Variants in EPS15L1 observed in about 807,000 individuals in gnomAD.
EPS15L1 encodes epidermal growth factor receptor substrate 15-like 1.
A neutral mutation model predicts 117.1 loss-of-function variants in EPS15L1; 43 were observed. That is an observed-to-expected ratio of 0.37 (90% CI 0.29 to 0.47). The LOEUF (loss-of-function observed/expected upper bound fraction) is 0.47, where lower values mean the gene tolerates loss of function less well. EPS15L1 is among the 20% of genes least tolerant of loss of function. The pLI, the probability that EPS15L1 is intolerant of heterozygous loss-of-function variation, is 0.99. For synonymous variants in EPS15L1, 459 were observed against 470.5 expected (o/e 0.98, Z 0.32); for missense variants, 981 against 1,164.0 (o/e 0.84, Z 2.29).
intron 1 of EPS15L1, among the ~76,000 whole-genome samples, chr19:16,465,067 A>G (rs1399822767): frequency 6.6e-6 from 1 of 151,200 alleles, no homozygotes; most frequent in African/African-American, 2.4e-5. Flanking sequence ...CAACAGAGCG[A>G]GACTTAGTCT....
At position 16,393,937 on chromosome 19, in the gene EPS15L1, AC is replaced by A; in HGVS notation, c.1966+13del. ...CACAGTCTAAAGACCGGTCCGGGAAACACTGAATTTTACCTGTTGAAGTTGT... is the reference window on the plus strand; with the variant it reads ...CACAGTCTAAAGACCGGTCCGGGAAAACTGAATTTTACCTGTTGAAGTTGT... On this transcript the variant is annotated intron_variant, in intron 18 of 23. Transcript: ENST00000455140. 2 of 1,613,810 alleles carry A rather than the reference AC, an allele frequency of 1.2e-6. No homozygotes were observed. The highest frequency in any genetic ancestry group is 1.7e-6 in the Non-Finnish European group (2 of 1,179,730).
chr19:16,463,370 C>T (rs936074114), intron 1 of EPS15L1, among the ~76,000 whole-genome samples: 29 of 152,134 alleles, frequency 1.9e-4, no homozygotes, highest in Non-Finnish European at 7.4e-5. Context: ...AACAGCTACC[C>T]CACATATTCC....
At chr19:16,411,753 G>A (rs1485378735) in intron 13 of EPS15L1, among the ~76,000 whole-genome samples, 3 of 152,142 alleles carry the variant, frequency 2.0e-5, no homozygotes, top group Non-Finnish European at 4.4e-5. Flanking sequence ...AGGGTGGAGT[G>A]CAGTAGTGCA....
intron 8 of EPS15L1, among the ~76,000 whole-genome samples, chr19:16,427,877 G>C (rs1323828537): frequency 6.6e-6 from 1 of 151,468 alleles, no homozygotes; most frequent in Non-Finnish European, 1.5e-5. Flanking sequence ...CTGGGTGACA[G>C]AGCAAGACTC....
In EPS15L1 at chr19:16,371,977, C is replaced by A. The variant is rs1183718416; in HGVS notation, c.2380+5145G>T. Among the ~76,000 whole-genome samples the A allele has an allele frequency of 6.6e-6, 1 of 152,218 alleles. No homozygotes were observed. The highest frequency in any genetic ancestry group is 1.9e-4 in the East Asian group (1 of 5,204). On this transcript the variant is annotated intron_variant, in intron 22 of 23. Coordinates refer to ENST00000455140, the MANE Select transcript of EPS15L1 (RefSeq NM_001258374.3). The surrounding 1 kb of genome is among the most constrained non-coding windows in gnomAD (Gnocchi z 4.7). ...TGTGCTGCATCTGCCTGAAAGAAAC[C>A]AGTTTCTTCTGCCCAAAACAGACAC...
chr19:16,431,997 G>A (rs950666566), intron 7 of EPS15L1, among the ~76,000 whole-genome samples: 1 of 152,162 alleles, frequency 6.6e-6, no homozygotes, highest in South Asian at 2.1e-4. Context: ...ACAGAGGGCC[G>A]ACTTTTGTAT....
rs2092529747 is a variant in EPS15L1, at chr19:16,395,420, T to C, written c.1839A>G (p.Gln613=). 2 of 1,613,764 alleles carry C rather than the reference T, an allele frequency of 1.2e-6. No homozygotes were observed. Among genetic ancestry groups the C allele is most frequent in the East Asian group, 4.5e-5 (2 of 44,888 alleles). Residue 613 remains glutamine, a synonymous_variant, in exon 17 of 24, where the codon CAA becomes CAG. Coordinates refer to ENST00000455140, the MANE Select transcript of EPS15L1 (RefSeq NM_001258374.3). ...TCTGGAAAGGATCCGGATGCAACTC[T>C]TGCGTGTTGTTGCTAAATAACAAGG... is the stretch of plus-strand genomic sequence containing the variant. ...NKALLFSNNT[Q]ELHPDPFQTE... is the part of the protein sequence containing the mutation.
At chr19:16,367,084 C>T (rs2092143515) in intron 22 of EPS15L1, among the ~76,000 whole-genome samples, 1 of 151,886 alleles carries the variant, frequency 6.6e-6, no homozygotes, top group South Asian at 2.1e-4. Context: ...GAGAGCTTTA[C>T]TGACGCGCAT....
At chr19:16,448,010 CT>C (rs1230890580) in intron 1 of EPS15L1, among the ~76,000 whole-genome samples, 1 of 152,148 alleles carries the variant, frequency 6.6e-6, no homozygotes, top group African/African-American at 2.4e-5. Context: ...GAAGGAAAGC[CT>C]TTCCACAAAG....
Position 16,392,287 on chromosome 19 carries a change from C to T in EPS15L1, c.2103+17G>A, listed in dbSNP as rs753919062. On this transcript the variant is annotated intron_variant, in intron 19 of 23. Transcript: ENST00000455140. The stretch of plus-strand genomic sequence containing the variant: ...GCAGGCACGCAGCTCTCCCGGGCAA[C>T]GTCCCACCCCACTCACCTTCGAAGG... 8 of 1,613,576 alleles carry T rather than the reference C, an allele frequency of 5.0e-6. No homozygotes were observed. The highest frequency in any genetic ancestry group is 4.5e-5 in the East Asian group (2 of 44,876).
At position 16,471,048 on chromosome 19, in the gene EPS15L1, C is replaced by T. The variant is rs1199438495; in HGVS notation, c.33+865G>A. On this transcript the variant is annotated intron_variant, in intron 1 of 23. Coordinates refer to ENST00000455140, the MANE Select transcript of EPS15L1 (RefSeq NM_001258374.3). This position sits in a 1 kb window ranked among gnomAD's most constrained non-coding sequence, Gnocchi z 4.8. ...CTGACCCTGTGTCCTCACTCTTAAT[C>T]ACCATGCTGTGCTAGATCATTCTAG... 6.6e-6 allele frequency among the ~76,000 whole-genome samples: 1 copy of T among 152,218 alleles called. No homozygotes were observed. Among genetic ancestry groups the T allele is most frequent in the Non-Finnish European group, 1.5e-5 (1 of 68,034 alleles).
chr19:16,401,294 G>A, intron 16 of EPS15L1: 9 of 985,416 alleles, frequency 9.1e-6, no homozygotes, highest in Non-Finnish European at 1.1e-5. Context: ...ATAAATCCTT[G>A]GGACTGAGGA....
chr19:16,396,248 C>T (rs1238979103), intron 16 of EPS15L1, among the ~76,000 whole-genome samples: 1 of 152,170 alleles, frequency 6.6e-6, no homozygotes, highest in African/African-American at 2.4e-5. Flanking sequence ...TATAGAGGAA[C>T]TATGCACTAT....
chr19:16,388,792 A>C (rs2092447951), intron 19 of EPS15L1, among the ~76,000 whole-genome samples: 1 of 152,122 alleles, frequency 6.6e-6, no homozygotes, highest in Non-Finnish European at 1.5e-5. Flanking sequence ...ACGCCACTGC[A>C]CTCCAGCCTG....
chr19:16,437,167 G>A (rs2092986684), intron 5 of EPS15L1, 168 bp from the exon 6 acceptor site: 4 of 597,994 alleles, frequency 6.7e-6, no homozygotes, highest in South Asian at 2.1e-5. Context: ...CCTACGTATT[G>A]ACCCAAATGA....
Position 16,438,600 on chromosome 19 carries a change from G to A in EPS15L1, c.214-735C>T, listed in dbSNP as rs772047392. On this transcript the variant is annotated intron_variant, in intron 4 of 23. Transcript: ENST00000455140. ...CCCAGAGTGCAGTGGCGCAATCACA[G>A]CTCACTGCAACCTCAAACTCATGGG... is the stretch of plus-strand genomic sequence containing the variant. Among the ~76,000 whole-genome samples the A allele has an allele frequency of 6.2e-4, 95 of 152,148 alleles. 1 individual carries two copies. The highest frequency in any genetic ancestry group is 9.7e-4 in the Non-Finnish European group (66 of 68,026).
At position 16,404,558 on chromosome 19, in the gene EPS15L1, G is replaced by C; in HGVS notation, c.1428+30C>G. 1 of 1,612,882 alleles carries C rather than the reference G, an allele frequency of 6.2e-7. No homozygotes were observed. The highest frequency in any genetic ancestry group is 2.2e-5 in the East Asian group (1 of 44,864). On this transcript the variant is annotated intron_variant, in intron 14 of 23. Coordinates refer to ENST00000455140, the MANE Select transcript of EPS15L1 (RefSeq NM_001258374.3). The surrounding 1 kb of genome is among the most constrained non-coding windows in gnomAD (Gnocchi z 4.2). ...TTGGGAAGCCCCTGCCTGTGCATAG[G>C]GCGCTGCCCCGGAGGTGGCCGGGAC... is the stretch of plus-strand genomic sequence containing the variant.
At chr19:16,403,483 CCGCCT>C (rs973419954) in intron 15 of EPS15L1, among the ~76,000 whole-genome samples, 1 of 152,194 alleles carries the variant, frequency 6.6e-6, no homozygotes, top group African/African-American at 2.4e-5. Flanking sequence ...CCACCCCACC[CCGCCT>C]ACTCCTTGAA....
chr19:16,376,835 C>A (rs1260693222), intron 22 of EPS15L1, among the ~76,000 whole-genome samples: 2 of 152,242 alleles, frequency 1.3e-5, no homozygotes, highest in Non-Finnish European at 2.9e-5. Flanking sequence ...GCACGAAGCG[C>A]CCCCAGCCAC....
Sources: gnomAD v4.1 joint callset for allele counts (sites outside exome capture counted in the v4.1 genomes callset) on GRCh38, gnomAD v4.1.1 for gene constraint, Gnocchi (gnomAD v3.1) non-coding constraint, MANE v1.5 for transcripts, NCBI Gene and HGNC (gene_info 2026-07-23, HGNC 2026-07-21) for gene names.